The following DSCAM variants were observed in gnomAD, a reference collection of about 807,000 sequenced individuals.
DSCAM encodes cell adhesion molecule DSCAM.
In DSCAM, 47 loss-of-function variants were observed where a neutral mutation model predicts 217.7. The observed-to-expected ratio is 0.22, with a 90% CI of 0.17 to 0.28. DSCAM has a LOEUF of 0.28. Among genes scored for constraint, DSCAM ranks in the 10% least tolerant of loss-of-function variants. The pLI is 1.00. For missense variants in DSCAM, 2,080 were observed against 2,618.3 expected, an observed-to-expected ratio of 0.79 and a Z score of 4.49; for synonymous variants, 1,056 against 1,015.3, an observed-to-expected ratio of 1.04 and a Z score of -0.76.
intron 1 of DSCAM, among the ~76,000 whole-genome samples, chr21:40,792,141 T>TC (rs1437609954): frequency 0.022 from 2,857 of 131,504 alleles, 19 homozygotes; most frequent in Middle Eastern, 0.034. Flanking sequence ...CTTCTTCTTT[T>TC]TTTTTTTTTT....
chr21:40,577,137 GATAT>G (rs1335422703), intron 3 of DSCAM, among the ~76,000 whole-genome samples: 4 of 149,424 alleles, frequency 2.7e-5, no homozygotes, highest in Non-Finnish European at 4.4e-5. Context: ...TATATGTAAT[GATAT>G]ATAAATGAAT....
intron 1 of DSCAM, among the ~76,000 whole-genome samples, chr21:40,838,642 G>A (rs1240169906): frequency 1.3e-5 from 2 of 152,146 alleles, no homozygotes; most frequent in Admixed American, 1.3e-4. Flanking sequence ...ACTGTTTCCT[G>A]TTTCTTCATT....
At chr21:40,629,767 G>T (rs2089662610) in intron 3 of DSCAM, 1 of 152,132 alleles carries the variant, frequency 6.6e-6, no homozygotes. Flanking sequence ...TTCAATGTCT[G>T]CCCTTTGTCC....
At chr21:40,360,668 T>G (rs1442235893) in intron 4 of DSCAM, among the ~76,000 whole-genome samples, 2 of 152,178 alleles carry the variant, frequency 1.3e-5, no homozygotes, top group Admixed American at 6.5e-5. Flanking sequence ...GGCTTTCCAG[T>G]ATACCATGGT....
At position 40,568,673 on chromosome 21, in the gene DSCAM, A is replaced by C. The variant is rs574147625; in HGVS notation, c.508+124137T>G. ...TAGTCACATAGTAAAAGTTTTAGTA[A>C]ATACAGATGGGTAGAAAGGCAAAAT... On this transcript the variant is annotated intron_variant, in intron 3 of 32. Coordinates refer to ENST00000400454, the MANE Select transcript of DSCAM (RefSeq NM_001389.5). Among the ~76,000 whole-genome samples the C allele has an allele frequency of 5.3e-5, 8 of 152,342 alleles. 1 individual carries two copies. Among genetic ancestry groups the C allele is most frequent in the African/African-American group, 1.4e-4 (6 of 41,580 alleles).
chr21:40,843,352 T>C (rs1004499523), intron 1 of DSCAM, among the ~76,000 whole-genome samples: 1 of 145,644 alleles, frequency 6.9e-6, no homozygotes, highest in East Asian at 2.0e-4. Flanking sequence ...GAAAAGATGA[T>C]GTCAGGAATG....
intron 1 of DSCAM, among the ~76,000 whole-genome samples, chr21:40,808,365 G>C (rs2837832): frequency 0.46 from 70,578 of 151,954 alleles, 18,435 homozygotes; most frequent in South Asian, 0.65. Flanking sequence ...GAACAGAGAA[G>C]TGATAAAAGT....
At chr21:40,379,017 G>GA in intron 3 of DSCAM, among the ~76,000 whole-genome samples, 1 of 152,308 alleles carries the variant, frequency 6.6e-6, no homozygotes, top group South Asian at 2.1e-4. Context: ...ATACCCTGCA[G>GA]AAAAATCTCC....
intron 9 of DSCAM, among the ~76,000 whole-genome samples, chr21:40,303,791 T>A (rs959001543): frequency 6.6e-6 from 1 of 152,218 alleles, no homozygotes; most frequent in Admixed American, 6.5e-5. Flanking sequence ...TCCTGTCAAC[T>A]GACAGTCAAC....
intron 11 of DSCAM, among the ~76,000 whole-genome samples, chr21:40,191,687 G>A (rs2090954253): frequency 2.6e-5 from 4 of 152,074 alleles, no homozygotes. Flanking sequence ...CACAGTTCTG[G>A]AGGCTGGAAT....
intron 9 of DSCAM, among the ~76,000 whole-genome samples, chr21:40,299,455 C>T (rs1218907488): frequency 1.3e-5 from 2 of 152,088 alleles, no homozygotes; most frequent in African/African-American, 2.4e-5. Flanking sequence ...AGACCTGAGG[C>T]CACACCCCTC....
At chr21:40,385,920 G>A (rs567601054) in intron 3 of DSCAM, among the ~76,000 whole-genome samples, 55 of 152,254 alleles carry the variant, frequency 3.6e-4, no homozygotes, top group African/African-American at 1.3e-3. Context: ...GGAATACAAG[G>A]TATCTTTGGC....
chr21:40,739,726 C>T (rs1015683937), intron 1 of DSCAM, among the ~76,000 whole-genome samples: 1 of 151,962 alleles, frequency 6.6e-6, no homozygotes, highest in African/African-American at 2.4e-5. Flanking sequence ...GCCCATAACC[C>T]TGGGGATAAA....
At chr21:40,699,869 G>C (rs2090636898) in intron 2 of DSCAM, among the ~76,000 whole-genome samples, 3 of 152,304 alleles carry the variant, frequency 2.0e-5, no homozygotes, top group Middle Eastern at 3.4e-3. Context: ...AGGTTATCTA[G>C]AAGCTCCAGC....
intron 22 of DSCAM, among the ~76,000 whole-genome samples, chr21:40,086,004 T>G (rs1056014807): frequency 6.6e-6 from 1 of 152,216 alleles, no homozygotes; most frequent in African/African-American, 2.4e-5. Flanking sequence ...GGGCCCAGAT[T>G]CTGGCTCAAG....
intron 3 of DSCAM, among the ~76,000 whole-genome samples, chr21:40,675,962 T>A (rs73905052): frequency 0.047 from 7,215 of 152,246 alleles, 424 homozygotes; most frequent in African/African-American, 0.15. Flanking sequence ...AAAAGCAGCA[T>A]CGTCTTAGAT....
chr21:40,415,836 C>T (rs1335290006), intron 3 of DSCAM, among the ~76,000 whole-genome samples: 1 of 152,140 alleles, frequency 6.6e-6, no homozygotes, highest in Non-Finnish European at 1.5e-5. Flanking sequence ...CCTATACACA[C>T]CTTCCCCCAA....
At position 40,434,379 on chromosome 21, in the gene DSCAM, CTTAGAG is replaced by C. The variant is rs370086880; in HGVS notation, c.509-65140_509-65135del. Among the ~76,000 whole-genome samples the C allele has an allele frequency of 2.9e-3, 439 of 152,284 alleles. 2 individuals carry two copies. Among genetic ancestry groups the C allele is most frequent in the African/African-American group, 0.01 (417 of 41,560 alleles). On this transcript the variant is annotated intron_variant, in intron 3 of 32. Transcript: ENST00000400454. ...AAATCACACATCACCTTTCCAGTGT[CTTAGAG>C]TTAAACAAAACCCTTTCTTGAAAAA...
intron 18 of DSCAM, among the ~76,000 whole-genome samples, chr21:40,136,701 C>T (rs2090212730): frequency 6.6e-6 from 1 of 151,914 alleles, no homozygotes; most frequent in South Asian, 2.1e-4. Context: ...TCTTTTTTTC[C>T]CAAGAGTGCA....
Sources: allele counts gnomAD v4.1 joint callset (sites outside exome capture counted in the v4.1 genomes callset), GRCh38; gene constraint gnomAD v4.1.1; transcripts MANE v1.5; gene names NCBI Gene and HGNC (gene_info 2026-07-23, HGNC 2026-07-21).